Variants in EPS8L2 observed in about 807,000 individuals in gnomAD.
The protein encoded by EPS8L2 is EPS8 signaling adaptor L2.
In EPS8L2, 81 loss-of-function variants were observed where a neutral mutation model predicts 99.4. The ratio of observed to expected loss-of-function variants is 0.82; its 90% CI spans 0.68 to 0.98. The LOEUF (loss-of-function observed/expected upper bound fraction) is 0.98. Ranked by LOEUF, EPS8L2 falls within the 50% of genes least tolerant of loss-of-function variation. The pLI is 0.00. For missense variants in EPS8L2, 1,155 were observed against 968.8 expected, an observed-to-expected ratio of 1.19 and a Z score of -2.55; for synonymous variants, 509 against 407.3, an observed-to-expected ratio of 1.25 and a Z score of -3.01.
chr11:724,848 G>C lies in EPS8L2; in HGVS notation c.1560+19G>C. On this transcript the variant is annotated intron_variant, in intron 16 of 20. Coordinates refer to ENST00000318562, the MANE Select transcript of EPS8L2 (RefSeq NM_022772.4). This position sits in a 1 kb window ranked among gnomAD's most constrained non-coding sequence, Gnocchi z 5.5. ...CCTAGAGGTGAGGGGCTGGAGGACG[G>C]GGTCCAAGAGGGGGAAACAGGGCAG... 1 of 1,567,518 alleles carries C rather than the reference G, an allele frequency of 6.4e-7. No individual in the cohort carries two copies. Among genetic ancestry groups the C allele is most frequent in the Non-Finnish European group, 8.8e-7 (1 of 1,138,878 alleles).
At chr11:710,767 A>G (rs35555625) in intron 4 of EPS8L2, among the ~76,000 whole-genome samples, 46,275 of 137,092 alleles carry the variant, frequency 0.34, 7,202 homozygotes, top group African/African-American at 0.38. Flanking sequence ...AGAAAGAGAG[A>G]AAGGGAGGAA....
At chr11:725,611 C>T in intron 16 of EPS8L2, 117 bp from the exon 17 acceptor site, 1 of 996,176 alleles carries the variant, frequency 1.0e-6, no homozygotes, top group East Asian at 3.3e-5. Flanking sequence ...GAGAATGGAG[C>T]GAAGCGGGGC....
At position 726,712 on chromosome 11, in the gene EPS8L2, C is replaced by G; in HGVS notation, c.2028C>G (p.Arg676=). ...LKKVCGEEGV[R]VYSQLTMQKA... ...AAGTGTGCGGCGAGGAGGGCGTCCG[C>G]GTGTACAGCCAGCTCACCATGCAGA... The change falls in exon 20 of 21, where the codon CGC becomes CGG. Residue 676 remains arginine (R), a synonymous_variant. Transcript: ENST00000318562. 1 of 1,593,168 alleles carries G rather than the reference C, an allele frequency of 6.3e-7. No individual in the cohort carries two copies. The highest frequency in any genetic ancestry group is 8.5e-7 in the Non-Finnish European group (1 of 1,171,606).
At chr11:725,615 G>T in intron 16 of EPS8L2, 113 bp from the exon 17 acceptor site, 1 of 1,028,008 alleles carries the variant, frequency 9.7e-7, no homozygotes, top group Non-Finnish European at 1.3e-6. Flanking sequence ...ATGGAGCGAA[G>T]CGGGGCTCCG....
intron 4 of EPS8L2, among the ~76,000 whole-genome samples, chr11:711,409 G>A (rs1011659743): frequency 5.3e-5 from 8 of 151,906 alleles, no homozygotes; most frequent in South Asian, 2.1e-4. Flanking sequence ...GCAGTGGTGC[G>A]ATCTTGGCTC....
At chr11:707,230 C>T (rs1312097425) in intron 1 of EPS8L2, among the ~76,000 whole-genome samples, 1 of 152,174 alleles carries the variant, frequency 6.6e-6, no homozygotes, top group South Asian at 2.1e-4. Context: ...CCGCCTGCCT[C>T]GGTCTCCTTT....
chr11:720,433 G>A (rs1301728943), intron 5 of EPS8L2, 164 bp from the exon 6 acceptor site: 5 of 1,230,068 alleles, frequency 4.1e-6, no homozygotes, highest in Non-Finnish European at 5.6e-6. Flanking sequence ...CAGCCTTGCG[G>A]TACAGCTGCG....
intron 16 of EPS8L2, among the ~76,000 whole-genome samples, chr11:725,518 A>G (rs1438484722): frequency 1.3e-5 from 2 of 152,112 alleles, no homozygotes; most frequent in Non-Finnish European, 2.9e-5. Context: ...CTCCGAGAAA[A>G]AAAGGGTCCC....
At chr11:718,067 T>G (rs1315229596) in intron 4 of EPS8L2, among the ~76,000 whole-genome samples, 1 of 151,542 alleles carries the variant, frequency 6.6e-6, no homozygotes, top group East Asian at 1.9e-4. Flanking sequence ...GCATGGTGGC[T>G]CACGCCTGTA....
chr11:723,970 C>T (rs1862255760), intron 15 of EPS8L2, among the ~76,000 whole-genome samples: 1 of 152,242 alleles, frequency 6.6e-6, no homozygotes, highest in Admixed American at 6.5e-5. Context: ...CATGGCCTCC[C>T]CTCACCCACA....
At chr11:718,547 C>T (rs1167179394) in intron 4 of EPS8L2, among the ~76,000 whole-genome samples, 4 of 150,800 alleles carry the variant, frequency 2.7e-5, no homozygotes, top group South Asian at 2.1e-4. Context: ...TGCAGTGGCA[C>T]GAACATGGTT....
At chr11:719,851 G>A (rs1862109939) in intron 4 of EPS8L2, among the ~76,000 whole-genome samples, 1 of 152,104 alleles carries the variant, frequency 6.6e-6, no homozygotes, top group South Asian at 2.1e-4. Flanking sequence ...GAATTCCTTT[G>A]AGGATAGTTT....
intron 4 of EPS8L2, among the ~76,000 whole-genome samples, chr11:714,475 C>A (rs1485322255): frequency 6.6e-6 from 1 of 151,882 alleles, no homozygotes; most frequent in African/African-American, 2.4e-5. Flanking sequence ...AGGTGATCCA[C>A]CAGCCTTAGC....
Position 709,592 on chromosome 11 carries a change from C to T in EPS8L2, c.84C>T (p.Ser28=), listed in dbSNP as rs1861830229. The change falls in exon 3 of 21, where the codon AGC becomes AGT. Residue 28 remains serine, a synonymous_variant. Transcript: ENST00000318562. ...GGTCCGACGGTGTGGCCAAGATGAG[C>T]CCCAAGGACCTGTTTGGTGAGTGAG... The part of the protein sequence containing the change: ...LGRSDGVAKM[S]PKDLFEQRKK... The T allele has an allele frequency of 1.2e-6, 2 of 1,613,040 alleles. No individual in the cohort carries two copies. The highest frequency in any genetic ancestry group is 2.2e-5 in the South Asian group (2 of 91,068).
rs779687045 is a variant in EPS8L2, at chr11:722,420, G to A, written c.1079G>A (p.Gly360Asp). The A allele has an allele frequency of 2.5e-6, 4 of 1,613,168 alleles. No homozygotes were observed. The highest frequency in any genetic ancestry group is 2.5e-6 in the Non-Finnish European group (3 of 1,179,910). Residue 360 changes from glycine to aspartate, a missense_variant, in exon 13 of 21, where the codon GGC (glycine) becomes GAC (aspartate). Transcript: ENST00000318562. ...CCCCAGATCGTCAACACCTGCAGTGGCCCAGACATCGCACGCTCCGTCTCC... is the reference window on the plus strand; with the variant it reads ...CCCCAGATCGTCAACACCTGCAGTGACCCAGACATCGCACGCTCCGTCTCC... Reference protein sequence around the residue: ...PLDLIVNTCSGPDIARSVSCP... With the variant: ...PLDLIVNTCSDPDIARSVSCP...
At chr11:714,464 C>T (rs970373145) in intron 4 of EPS8L2, among the ~76,000 whole-genome samples, 9 of 151,968 alleles carry the variant, frequency 5.9e-5, no homozygotes, top group Admixed American at 1.3e-4. Context: ...CTCCTGATCC[C>T]AGGTGATCCA....
In EPS8L2 at chr11:709,365, A is replaced by G; in HGVS notation, c.-43A>G. The G allele has an allele frequency of 6.4e-7, 1 of 1,555,290 alleles. No homozygotes were observed. The highest frequency in any genetic ancestry group is 8.7e-7 in the Non-Finnish European group (1 of 1,150,450). On this transcript the variant is annotated 5_prime_UTR_variant, in exon 2 of 21. Transcript: ENST00000318562. The stretch of plus-strand genomic sequence containing the variant: ...GGCACTGGCCTCAGACCGGGGCCAC[A>G]CTGAGGTCTGCCCTTCTCCCGCTGG...
Position 722,090 on chromosome 11 carries a change from G to A in EPS8L2, c.985-1G>A. On this transcript the variant is annotated splice_acceptor_variant, in intron 11 of 20. Transcript: ENST00000318562. LOFTEE classifies it high-confidence loss of function. Reference sequence around the variant, plus strand: ...ACCTGCTCACTTGTTCCCACCCCCAGGCAAAGCTGCAGAAGCACATCCAGA... The same window carrying A: ...ACCTGCTCACTTGTTCCCACCCCCAAGCAAAGCTGCAGAAGCACATCCAGA... 6.2e-7 allele frequency: 1 copy of A among 1,613,078 alleles called. No individual in the cohort carries two copies. Among genetic ancestry groups the A allele is most frequent in the Non-Finnish European group, 8.5e-7 (1 of 1,179,878 alleles).
At chr11:726,797 C>T (rs775080776) in intron 20 of EPS8L2, 46 bp downstream of exon 20, 1 of 1,577,790 alleles carries the variant, frequency 6.3e-7, no homozygotes, top group Admixed American at 1.9e-5. Context: ...TGCCCCTGCG[C>T]CCTCCTCTCC....
Sources: gnomAD v4.1 joint callset for allele counts (sites outside exome capture counted in the v4.1 genomes callset) on GRCh38, gnomAD v4.1.1 for gene constraint, Gnocchi (gnomAD v3.1) non-coding constraint, MANE v1.5 for transcripts, NCBI Gene and HGNC (gene_info 2026-07-23, HGNC 2026-07-21) for gene names.